The following MEF2C variants were observed in gnomAD, a reference collection of about 807,000 sequenced individuals.
MEF2C encodes myocyte enhancer factor 2C.
Under a neutral mutation model 50.5 loss-of-function variants are expected in MEF2C, and 6 were observed. The ratio of observed to expected loss-of-function variants is 0.12; its 90% CI spans 0.07 to 0.23. The LOEUF is 0.23. MEF2C is among the 10% of genes least tolerant of loss of function. The probability of loss-of-function intolerance (pLI) is 1.00; values close to 1 mark genes in which losing one functional copy is unlikely to be tolerated. For missense variants in MEF2C, 276 were observed against 605.0 expected, an observed-to-expected ratio of 0.46 and a Z score of 5.70; for synonymous variants, 183 against 228.0, an observed-to-expected ratio of 0.80 and a Z score of 1.78.
chr5:88,840,070 A>G (rs1389729770), intron 1 of MEF2C, among the ~76,000 whole-genome samples: 1 of 152,202 alleles, frequency 6.6e-6, no homozygotes, highest in Admixed American at 6.5e-5. Context: ...GCAAGGTCAT[A>G]TCATTTTTCC....
rs1798735226 is a variant in MEF2C at position 88,802,395 on chromosome 5, C to G, written c.258+2203G>C. Among the ~76,000 whole-genome samples, 4 of 152,284 alleles carry G rather than the reference C, an allele frequency of 2.6e-5. No homozygotes were observed. The Middle Eastern group carries it at 0.01, about 388-fold the overall frequency. ...TAAAGAAGTCTGACTTTCAAATATC[C>G]ACCTATCAAAAAATATGAAGTTTTC... is the stretch of plus-strand genomic sequence containing the variant. On this transcript the variant is annotated intron_variant, in intron 3 of 10. Coordinates refer to ENST00000504921, the MANE Select transcript of MEF2C (RefSeq NM_002397.5).
intron 2 of MEF2C, among the ~76,000 whole-genome samples, chr5:88,805,040 G>C (rs1031470276): frequency 2.6e-5 from 4 of 152,122 alleles, no homozygotes; most frequent in Admixed American, 2.6e-4. Flanking sequence ...TTAATGTAGG[G>C]TATTTTAATG....
chr5:88,776,308 CTAAT>C (rs1473573831), intron 3 of MEF2C, among the ~76,000 whole-genome samples: 4 of 152,148 alleles, frequency 2.6e-5, no homozygotes, highest in East Asian at 1.9e-4. Context: ...TTAAATCTAA[CTAAT>C]TAACATATCT....
At chr5:88,830,770 G>T (rs1293342564) in intron 1 of MEF2C, among the ~76,000 whole-genome samples, 1 of 152,054 alleles carries the variant, frequency 6.6e-6, no homozygotes, top group East Asian at 1.9e-4. Context: ...AAAGGCCTCT[G>T]AGTGATGTGG....
chr5:88,878,136 A>C (rs1250167604), intron 1 of MEF2C: 1 of 152,066 alleles, frequency 6.6e-6, no homozygotes, highest in Admixed American at 6.6e-5. Flanking sequence ...TATTGTTAAT[A>C]CACTGTGTAT....
chr5:88,876,615 T>G (rs1247930873), intron 1 of MEF2C, among the ~76,000 whole-genome samples: 1 of 151,990 alleles, frequency 6.6e-6, no homozygotes, highest in Non-Finnish European at 1.5e-5. Flanking sequence ...TTTCTAATTT[T>G]GAAAATAAAT....
intron 1 of MEF2C, among the ~76,000 whole-genome samples, chr5:88,869,284 T>C (rs867921005): frequency 1.8e-4 from 16 of 87,868 alleles, no homozygotes; most frequent in South Asian, 7.3e-4. Context: ...TATACATATA[T>C]ATATATATAT....
intron 3 of MEF2C, among the ~76,000 whole-genome samples, chr5:88,763,319 A>G (rs969240836): frequency 6.6e-6 from 1 of 152,216 alleles, no homozygotes; most frequent in Non-Finnish European, 1.5e-5. Flanking sequence ...AAGTACTTTT[A>G]GAGACTTTCT....
intron 5 of MEF2C, among the ~76,000 whole-genome samples, 183 bp downstream of exon 5, chr5:88,751,674 C>T (rs770733234): frequency 2.6e-5 from 4 of 152,100 alleles, no homozygotes; most frequent in African/African-American, 4.8e-5. Context: ...TGAAAGATTT[C>T]GAAAAACATA....
chr5:88,730,253 A>G lies in MEF2C; in HGVS notation c.811-19T>C. 1 of 1,567,152 alleles carries G rather than the reference A, an allele frequency of 6.4e-7. No individual in the cohort carries two copies. The highest frequency in any genetic ancestry group is 8.7e-7 in the Non-Finnish European group (1 of 1,154,930). On this transcript the variant is annotated intron_variant, in intron 7 of 10. Transcript: ENST00000504921. ...CCTCAGACTGAGAGCATGCGGAAGG[A>G]GTTTTATTAATTAGTGTCCGTAAAT...
In MEF2C at chr5:88,820,074, A is replaced by ATT. The variant is rs1177668867; in HGVS notation, c.54+3659_54+3660dup. ...GACTTATTAATAAAAATTATTTGTA[A>ATT]TTATATATATATATATAGTTCTTGG... On this transcript the variant is annotated intron_variant, in intron 2 of 10. Coordinates refer to ENST00000504921, the MANE Select transcript of MEF2C (RefSeq NM_002397.5). Among the ~76,000 whole-genome samples, 4 of 117,798 alleles carry ATT rather than the reference A, an allele frequency of 3.4e-5. No homozygotes were observed. The East Asian group carries it at 6.8e-4, about 20-fold the overall frequency. The allele number at this position is 117,798 out of a possible 152,430, so 77.3% of individuals were successfully genotyped here. A position where few individuals can be genotyped will look rare whatever the true frequency, so the allele number is the denominator to read the frequency against.
At chr5:88,902,266 T>C (rs1443103962) in intron 1 of MEF2C, among the ~76,000 whole-genome samples, 3 of 151,652 alleles carry the variant, frequency 2.0e-5, no homozygotes, top group Non-Finnish European at 4.4e-5. Context: ...TGAATCAATA[T>C]AATGAAACAT....
chr5:88,757,016 A>C (rs1221695593), intron 4 of MEF2C, among the ~76,000 whole-genome samples: 2 of 152,220 alleles, frequency 1.3e-5, no homozygotes, highest in African/African-American at 2.4e-5. Flanking sequence ...TAAGAACTTC[A>C]AGACAATGAC....
chr5:88,754,804 T>A (rs568303140), intron 4 of MEF2C, among the ~76,000 whole-genome samples: 1 of 152,354 alleles, frequency 6.6e-6, no homozygotes, highest in Non-Finnish European at 1.5e-5. Flanking sequence ...AGGGCTCTCA[T>A]CTTAGAATAA....
intron 3 of MEF2C, chr5:88,782,003 CAT>C (rs1306603019): frequency 2.3e-6 from 1 of 443,148 alleles, no homozygotes; most frequent in Non-Finnish European, 3.0e-6. Flanking sequence ...AAAAACTGCA[CAT>C]GTTCTGAGGA....
At chr5:88,725,481 TG>T (rs1758279794) in intron 10 of MEF2C, among the ~76,000 whole-genome samples, 1 of 152,158 alleles carries the variant, frequency 6.6e-6, no homozygotes, top group South Asian at 2.1e-4. Context: ...GATATAAGCA[TG>T]TTGGTCTACT....
At chr5:88,792,045 T>C (rs949720282) in intron 3 of MEF2C, among the ~76,000 whole-genome samples, 1 of 152,112 alleles carries the variant, frequency 6.6e-6, no homozygotes, top group South Asian at 2.1e-4. Context: ...TTATGTTTTA[T>C]AGTAAATCTA....
rs1167230633 is a variant in MEF2C at position 88,842,577 on chromosome 5, T to A, written c.-142-18647A>T. Among the ~76,000 whole-genome samples the A allele has an allele frequency of 4.0e-5, 5 of 126,406 alleles. No individual in the cohort carries two copies. The South Asian group carries it at 1.2e-3, about 31-fold the overall frequency. The allele number at this position is 126,406 out of a possible 152,430, so 82.9% of individuals were successfully genotyped here. On this transcript the variant is annotated intron_variant, in intron 1 of 10. Coordinates refer to ENST00000504921, the MANE Select transcript of MEF2C (RefSeq NM_002397.5). The stretch of plus-strand genomic sequence containing the variant: ...AGAGAAATTATACAGTGAAAAAAAA[T>A]TTCCTGAGAATTCATTCAACAGCCA...
intron 2 of MEF2C, among the ~76,000 whole-genome samples, chr5:88,808,842 A>T (rs1300292476): frequency 6.6e-6 from 1 of 152,116 alleles, no homozygotes; most frequent in African/African-American, 2.4e-5. Flanking sequence ...TACTTAAATA[A>T]TGCCTTGTGA....
Sources: allele counts gnomAD v4.1 joint callset (sites outside exome capture counted in the v4.1 genomes callset), GRCh38; gene constraint gnomAD v4.1.1; transcripts MANE v1.5; gene names NCBI Gene and HGNC (gene_info 2026-07-23, HGNC 2026-07-21).